MPRIP: variants seen among roughly 807,000 people sequenced by gnomAD.
MPRIP encodes the protein myosin phosphatase Rho-interacting protein.
MPRIP carries 59 observed loss-of-function variants against 234.9 expected under a neutral mutation model. The ratio of observed to expected loss-of-function variants is 0.25; its 90% CI spans 0.20 to 0.31. The LOEUF (loss-of-function observed/expected upper bound fraction) is 0.31. Among genes scored for constraint, MPRIP ranks in the 10% least tolerant of loss-of-function variants. The probability of loss-of-function intolerance (pLI) is 1.00; values close to 1 mark genes in which losing one functional copy is unlikely to be tolerated. For synonymous variants in MPRIP, 1,144 were observed against 1,263.9 expected (o/e 0.91, Z 2.01); for missense variants, 2,436 against 3,071.0 (o/e 0.79, Z 4.89).
intron 3 of MPRIP, among the ~76,000 whole-genome samples, chr17:17,115,146 T>G (rs1204622926): frequency 6.6e-6 from 1 of 152,226 alleles, no homozygotes; most frequent in Non-Finnish European, 1.5e-5. Context: ...AATCCACGAA[T>G]GCCTCAGAAA....
chr17:17,143,229 C>T (rs897128123), intron 8 of MPRIP, among the ~76,000 whole-genome samples: 1 of 152,230 alleles, frequency 6.6e-6, no homozygotes, highest in African/African-American at 2.4e-5. Flanking sequence ...CTAGTGCCTA[C>T]TGTCTGGCCC....
In MPRIP at chr17:17,164,135, T is replaced by C; in HGVS notation, c.2544T>C (p.Gly848=). 1 of 1,304,114 alleles carries C rather than the reference T, an allele frequency of 7.7e-7. No homozygotes were observed. The highest frequency in any genetic ancestry group is 1.2e-5 in the South Asian group (1 of 81,024). The allele number at this position is 1,304,114 out of a possible 1,614,324, so 80.8% of individuals were successfully genotyped here. A position where few individuals can be genotyped will look rare whatever the true frequency, so the allele number is the denominator to read the frequency against. ...CTGAAGTGGCCGCCTCCCCATCGGG[T>C]GCCTGGCAGAGGCTCCATAGAGTCA... is the stretch of plus-strand genomic sequence containing the variant. ...LQTEVAASPS[G]AWQRLHRVNQ... is the part of the protein sequence containing the mutation. Residue 848 remains glycine, a synonymous_variant, in exon 16 of 24, where the codon GGT becomes GGC. Coordinates refer to ENST00000651222, the MANE Select transcript of MPRIP (RefSeq NM_001364716.4).
rs1036940683 is a variant in MPRIP, at chr17:17,165,250, C to G, written c.3659C>G (p.Ala1220Gly). ...QAKEEILRKFASESPKDMEEP... is the reference protein window; with the variant it reads ...QAKEEILRKFGSESPKDMEEP... Reference sequence around the variant, plus strand: ...AAAGAAGAGATTTTAAGGAAATTTGCAAGTGAATCTCCAAAGGACATGGAA... The same window carrying G: ...AAAGAAGAGATTTTAAGGAAATTTGGAAGTGAATCTCCAAAGGACATGGAA... The change falls in exon 16 of 24, where the codon GCA becomes GGA. Residue 1220 changes from alanine to glycine, a missense_variant. By Grantham distance (60) the Ala-to-Gly change is moderately conservative. Around this residue, in one of 4 missense-constraint regions of MPRIP, gnomAD observed 1,998 missense variants for 2,520.3 expected, o/e 0.79. Coordinates refer to ENST00000651222, the MANE Select transcript of MPRIP (RefSeq NM_001364716.4). The G allele has an allele frequency of 1.7e-5, 22 of 1,304,094 alleles. No individual in the cohort carries two copies. The highest frequency in any genetic ancestry group is 2.1e-5 in the Non-Finnish European group (21 of 988,968). 80.8% of individuals were successfully genotyped at this position (1,304,094 alleles called of 1,614,324 possible).
intron 3 of MPRIP, among the ~76,000 whole-genome samples, chr17:17,109,860 G>T (rs1176283847): frequency 6.6e-6 from 1 of 152,224 alleles, no homozygotes; most frequent in African/African-American, 2.4e-5. Context: ...GGGTGTGTCA[G>T]GGGGACATGG....
intron 4 of MPRIP, among the ~76,000 whole-genome samples, chr17:17,129,522 C>T (rs2090556892): frequency 6.6e-6 from 1 of 152,192 alleles, no homozygotes; most frequent in South Asian, 2.1e-4. Flanking sequence ...ACTCCAGCCA[C>T]AGACTGCAGT....
intron 15 of MPRIP, among the ~76,000 whole-genome samples, chr17:17,163,210 GTAACT>G (rs2045909757): frequency 6.6e-6 from 1 of 152,210 alleles, no homozygotes; most frequent in Admixed American, 6.5e-5. Context: ...AGTGTGAAGT[GTAACT>G]TGAACTTAAC....
rs771291495 is a variant in MPRIP, at chr17:17,184,953, C to T, written c.*59C>T. 52 of 1,097,242 alleles carry T rather than the reference C, an allele frequency of 4.7e-5. No homozygotes were observed. The highest frequency in any genetic ancestry group is 6.8e-5 in the Admixed American group (4 of 58,874). The allele number at this position is 1,097,242 out of a possible 1,614,324, so 68.0% of individuals were successfully genotyped here. A position where few individuals can be genotyped will look rare whatever the true frequency, so the allele number is the denominator to read the frequency against. ...CCAGCTTGCAGCAGCACACCCCAAGCGCTGCTTTTCACCTGTACCTTTGTT... is the reference window on the plus strand; with the variant it reads ...CCAGCTTGCAGCAGCACACCCCAAGTGCTGCTTTTCACCTGTACCTTTGTT... On this transcript the variant is annotated 3_prime_UTR_variant, in exon 24 of 24. Transcript: ENST00000651222.
intron 3 of MPRIP, among the ~76,000 whole-genome samples, chr17:17,088,765 C>T (rs775305298): frequency 7.2e-5 from 11 of 152,308 alleles, no homozygotes; most frequent in South Asian, 4.1e-4. Flanking sequence ...AGCTGATCCA[C>T]GTAGGGCACC....
At chr17:17,087,353 T>TG (rs2089614686) in intron 3 of MPRIP, among the ~76,000 whole-genome samples, 2 of 152,316 alleles carry the variant, frequency 1.3e-5, no homozygotes, top group African/African-American at 4.8e-5. Flanking sequence ...GGGAAGTGTG[T>TG]GGGGCAGTTT....
At position 17,097,089 on chromosome 17, in the gene MPRIP, G is replaced by A. The variant is rs2089864128; in HGVS notation, c.267+19013G>A. On this transcript the variant is annotated intron_variant, in intron 3 of 23. Coordinates refer to ENST00000651222, the MANE Select transcript of MPRIP (RefSeq NM_001364716.4). ...AGGAAGGGAGTGTCACATGCAAAAGGCAGGATCAGCCAAAGCAGAGGGGCT... is the reference window on the plus strand; with the variant it reads ...AGGAAGGGAGTGTCACATGCAAAAGACAGGATCAGCCAAAGCAGAGGGGCT... 4 of 197,622 alleles carry A rather than the reference G, an allele frequency of 2.0e-5. No individual in the cohort carries two copies. In the South Asian group the frequency reaches 2.6e-4, roughly 13 times the overall value. 12.2% of individuals were successfully genotyped at this position (197,622 alleles called of 1,614,324 possible). A position where few individuals can be genotyped will look rare whatever the true frequency, so the allele number is the denominator to read the frequency against.
At chr17:17,171,151 G>C (rs1172376490) in intron 16 of MPRIP, 4 of 152,436 alleles carry the variant, frequency 2.6e-5, no homozygotes, top group Admixed American at 2.6e-4. Flanking sequence ...CCAACCCCCA[G>C]CTCCCAGAAG....
chr17:17,053,254 G>C (rs951799640), intron 1 of MPRIP, among the ~76,000 whole-genome samples: 1 of 152,100 alleles, frequency 6.6e-6, no homozygotes, highest in Non-Finnish European at 1.5e-5. Flanking sequence ...TTCCATTCTA[G>C]CTCCATTTTC....
At chr17:17,096,567 C>T (rs2089850763) in intron 3 of MPRIP, among the ~76,000 whole-genome samples, 1 of 152,042 alleles carries the variant, frequency 6.6e-6, no homozygotes, top group Admixed American at 6.5e-5. Context: ...ATCTCATTTC[C>T]CTCTGGTGAA....
chr17:17,144,552 T>C (rs547022928), intron 9 of MPRIP, among the ~76,000 whole-genome samples: 1 of 151,944 alleles, frequency 6.6e-6, no homozygotes, highest in South Asian at 2.1e-4. Context: ...AAATTACGAG[T>C]TTTTGTTAAA....
intron 14 of MPRIP, among the ~76,000 whole-genome samples, chr17:17,159,579 C>T (rs1409250409): frequency 6.6e-6 from 1 of 152,206 alleles, no homozygotes; most frequent in East Asian, 1.9e-4. Context: ...ACGAGGCCTT[C>T]AGTGCACCTA....
intron 2 of MPRIP, chr17:17,077,771 AGAC>A: frequency 5.0e-6 from 2 of 404,034 alleles, no homozygotes; most frequent in Non-Finnish European, 8.9e-6. Context: ...AAAAAAAAAA[AGAC>A]TTCTTATTAA....
intron 23 of MPRIP, chr17:17,182,799 C>T (rs2046399421): frequency 6.6e-6 from 1 of 152,352 alleles, no homozygotes; most frequent in South Asian, 2.1e-4. Flanking sequence ...GGAGCAAACC[C>T]AGGCCTTAGG....
intron 3 of MPRIP, among the ~76,000 whole-genome samples, chr17:17,100,258 C>A (rs1462788124): frequency 1.3e-5 from 2 of 152,184 alleles, no homozygotes; most frequent in Admixed American, 6.5e-5. Context: ...CCTGAATCAC[C>A]AAGTTCAGTC....
chr17:17,124,612 G>T (rs113855218), intron 3 of MPRIP, among the ~76,000 whole-genome samples: 1 of 152,158 alleles, frequency 6.6e-6, no homozygotes, highest in South Asian at 2.1e-4. Context: ...CTCTAGTAAC[G>T]AGTGCACTGG....
Sources: allele counts gnomAD v4.1 joint callset (sites outside exome capture counted in the v4.1 genomes callset), GRCh38; gene constraint gnomAD v4.1.1; regional missense constraint gnomAD v4.1.1; transcripts MANE v1.5; gene names NCBI Gene and HGNC (gene_info 2026-07-23, HGNC 2026-07-21).